The following GRIN2A variants were observed in gnomAD, a reference collection of about 807,000 sequenced individuals.
The protein encoded by GRIN2A is glutamate receptor ionotropic, NMDA 2A.
GRIN2A carries 22 observed loss-of-function variants against 113.4 expected under a neutral mutation model. That is an observed-to-expected ratio of 0.19 (90% confidence interval 0.14 to 0.28). GRIN2A has a LOEUF of 0.28. Among genes scored for constraint, GRIN2A ranks in the 10% least tolerant of loss-of-function variants. The probability of loss-of-function intolerance (pLI) is 1.00; values close to 1 mark genes in which losing one functional copy is unlikely to be tolerated. For missense variants in GRIN2A, 1,502 were observed against 1,887.0 expected, an observed-to-expected ratio of 0.80 and a Z score of 3.78; for synonymous variants, 827 against 738.4, an observed-to-expected ratio of 1.12 and a Z score of -1.94.
chr16:10,111,705 G>A, intron 2 of GRIN2A: 1 of 1,559,678 alleles, frequency 6.4e-7, no homozygotes, highest in Non-Finnish European at 8.8e-7. Flanking sequence ...ATAAGGTCAA[G>A]AAGTTTGAAC....
At chr16:10,119,462 G>T (rs2048791997) in intron 2 of GRIN2A, among the ~76,000 whole-genome samples, 1 of 151,666 alleles carries the variant, frequency 6.6e-6, no homozygotes, top group South Asian at 2.1e-4. Context: ...CATCTCTGTA[G>T]CCTCCACAGC....
intron 2 of GRIN2A, among the ~76,000 whole-genome samples, chr16:10,124,035 G>C (rs1204548012): frequency 6.6e-6 from 1 of 152,154 alleles, no homozygotes; most frequent in African/African-American, 2.4e-5. Flanking sequence ...CCAGGCAGTA[G>C]AAAGCCAGAA....
At chr16:9,982,419 A>T (rs1022042727) in intron 2 of GRIN2A, among the ~76,000 whole-genome samples, 1 of 152,232 alleles carries the variant, frequency 6.6e-6, no homozygotes, top group Non-Finnish European at 1.5e-5. Flanking sequence ...GGATATTCCA[A>T]TTCTACTATT....
chr16:10,127,960 G>A (rs1179580840), intron 2 of GRIN2A, among the ~76,000 whole-genome samples: 1 of 152,148 alleles, frequency 6.6e-6, no homozygotes, highest in Non-Finnish European at 1.5e-5. Context: ...TAGAGTGGGG[G>A]CTTAGAATCA....
At chr16:9,830,286 C>T (rs773745563) in intron 8 of GRIN2A, among the ~76,000 whole-genome samples, 16 of 152,134 alleles carry the variant, frequency 1.1e-4, no homozygotes, top group Non-Finnish European at 2.1e-4. Flanking sequence ...GGAAAATGAA[C>T]ACTGATGTCA....
At chr16:9,837,559 T>C (rs2042603929) in intron 7 of GRIN2A, among the ~76,000 whole-genome samples, 1 of 152,144 alleles carries the variant, frequency 6.6e-6, no homozygotes, top group Non-Finnish European at 1.5e-5. Context: ...CAAGACTTTT[T>C]TGTGTGAAAA....
intron 11 of GRIN2A, among the ~76,000 whole-genome samples, chr16:9,783,218 C>T (rs922440553): frequency 1.3e-5 from 2 of 152,222 alleles, no homozygotes; most frequent in Non-Finnish European, 2.9e-5. Context: ...AAAAATTAGA[C>T]TCAATCAACG....
chr16:9,765,602 T>TA (rs1191600581), intron 12 of GRIN2A, among the ~76,000 whole-genome samples: 1 of 152,142 alleles, frequency 6.6e-6, no homozygotes, highest in African/African-American at 2.4e-5. Context: ...GTTGCAGACT[T>TA]ACCATCATGT....
intron 3 of GRIN2A, among the ~76,000 whole-genome samples, chr16:9,891,891 A>G (rs2043701361): frequency 6.6e-6 from 1 of 152,174 alleles, no homozygotes; most frequent in South Asian, 2.1e-4. Context: ...GAATAGGAAC[A>G]GAAAGTGCAG....
At position 10,130,769 on chromosome 16, in the gene GRIN2A, C is replaced by G. The variant is rs182378942; in HGVS notation, c.414+49229G>C. On this transcript the variant is annotated intron_variant, in intron 2 of 12. Coordinates refer to ENST00000330684, the MANE Select transcript of GRIN2A (RefSeq NM_001134407.3). ...CGTCTCCAGCCACCCACTGTCATGTCTTCATTAAGGGAGTTCGGGAGCAGC... is the reference window on the plus strand; with the variant it reads ...CGTCTCCAGCCACCCACTGTCATGTGTTCATTAAGGGAGTTCGGGAGCAGC... Among the ~76,000 whole-genome samples the G allele has an allele frequency of 3.3e-3, 505 of 152,308 alleles. 4 individuals are homozygous for G. Among genetic ancestry groups the G allele is most frequent in the African/African-American group, 0.012 (487 of 41,568 alleles).
chr16:10,010,458 C>T lies in GRIN2A; in HGVS notation c.415-71907G>A, dbSNP rs1011952069. On this transcript the variant is annotated intron_variant, in intron 2 of 12. Coordinates refer to ENST00000330684, the MANE Select transcript of GRIN2A (RefSeq NM_001134407.3). ...TATAACAAACTTGCACATGAACCCT[C>T]GAACTTAATATAAAAGTTTTAAAAG... is the stretch of plus-strand genomic sequence containing the variant. Among the ~76,000 whole-genome samples, 10 of 152,202 alleles carry T rather than the reference C, an allele frequency of 6.6e-5. No homozygotes were observed. In the East Asian group the frequency reaches 7.7e-4, roughly 12 times the overall value.
intron 3 of GRIN2A, among the ~76,000 whole-genome samples, chr16:9,896,819 C>T (rs1422597643): frequency 6.6e-6 from 1 of 152,184 alleles, no homozygotes; most frequent in Non-Finnish European, 1.5e-5. Flanking sequence ...GGGCTTTCTT[C>T]CCATTTAAAC....
At chr16:10,153,577 CT>C (rs2049628989) in intron 2 of GRIN2A, among the ~76,000 whole-genome samples, 1 of 152,112 alleles carries the variant, frequency 6.6e-6, no homozygotes, top group East Asian at 1.9e-4. Flanking sequence ...ATATTTCTGC[CT>C]TGTTTCTTGT....
rs547970556 is a variant in GRIN2A, at chr16:9,775,767, G to A, written c.2357-6678C>T. Among the ~76,000 whole-genome samples, 9 of 152,336 alleles carry A rather than the reference G, an allele frequency of 5.9e-5. No homozygotes were observed. In the South Asian group the frequency reaches 1.5e-3, roughly 25 times the overall value. On this transcript the variant is annotated intron_variant, in intron 11 of 12. Transcript: ENST00000330684. ...TGAACACCCAACTATTTTCTTAGTG[G>A]ACCCAAGGTTCTTCAGTTGTTGCTC...
At chr16:10,125,902 A>C (rs912168368) in intron 2 of GRIN2A, among the ~76,000 whole-genome samples, 2 of 151,912 alleles carry the variant, frequency 1.3e-5, no homozygotes, top group African/African-American at 2.4e-5. Flanking sequence ...TCCCACTCAG[A>C]GCAGAAGGAG....
Position 9,796,907 on chromosome 16 carries a change from A to G in GRIN2A, c.2356+1370T>C, listed in dbSNP as rs1903026025. On this transcript the variant is annotated intron_variant, in intron 11 of 12. Coordinates refer to ENST00000330684, the MANE Select transcript of GRIN2A (RefSeq NM_001134407.3). The stretch of plus-strand genomic sequence containing the variant: ...TTATTACACAGCAGAGAACATGGCC[A>G]GTGATCTGAGGAAGGTACAAATGCC... Among the ~76,000 whole-genome samples the G allele has an allele frequency of 2.6e-5, 4 of 152,374 alleles. No individual in the cohort carries two copies. The South Asian group carries it at 8.3e-4, about 32-fold the overall frequency.
At chr16:9,855,826 C>T (rs2042957640) in intron 4 of GRIN2A, among the ~76,000 whole-genome samples, 1 of 152,114 alleles carries the variant, frequency 6.6e-6, no homozygotes, top group East Asian at 1.9e-4. Context: ...TTCTGAGAAC[C>T]AGTTAGAAGA....
chr16:9,862,026 G>C (rs184360688), intron 4 of GRIN2A, among the ~76,000 whole-genome samples: 3 of 152,300 alleles, frequency 2.0e-5, no homozygotes, highest in Admixed American at 2.0e-4. Flanking sequence ...GTAGATCTGG[G>C]ATAAGGTGTG....
At chr16:10,159,709 A>G (rs1205617475) in intron 2 of GRIN2A, among the ~76,000 whole-genome samples, 1 of 152,204 alleles carries the variant, frequency 6.6e-6, no homozygotes, top group Admixed American at 6.5e-5. Flanking sequence ...TATTTTAGAT[A>G]GATAATATAT....
Sources: gnomAD v4.1 joint callset for allele counts (sites outside exome capture counted in the v4.1 genomes callset) on GRCh38, gnomAD v4.1.1 for gene constraint, MANE v1.5 for transcripts, NCBI Gene and HGNC (gene_info 2026-07-23, HGNC 2026-07-21) for gene names.